The following PDE1C variants were observed in gnomAD, a reference collection of about 807,000 sequenced individuals.
PDE1C encodes dual specificity calcium/calmodulin-dependent 3',5'-cyclic nucleotide phosphodiesterase 1C.
In PDE1C, 62 loss-of-function variants were observed where a neutral mutation model predicts 93.1. The ratio of observed to expected loss-of-function variants is 0.67; its 90% confidence interval spans 0.54 to 0.82. The LOEUF (loss-of-function observed/expected upper bound fraction) is 0.82, where lower values mean the gene tolerates loss of function less well. Ranked by LOEUF, PDE1C falls within the 40% of genes least tolerant of loss-of-function variation. The probability of loss-of-function intolerance (pLI) is 0.00; values close to 1 mark genes in which losing one functional copy is unlikely to be tolerated. For missense variants in PDE1C, 742 were observed against 884.6 expected, an observed-to-expected ratio of 0.84 and a Z score of 2.04; for synonymous variants, 325 against 310.1, an observed-to-expected ratio of 1.05 and a Z score of -0.50.
chr7:31,896,391 G>A (rs1161806754), intron 2 of PDE1C, among the ~76,000 whole-genome samples: 2 of 152,098 alleles, frequency 1.3e-5, no homozygotes, highest in Non-Finnish European at 2.9e-5. Context: ...TCCTACTCTC[G>A]GACTTCTGTC....
intron 15 of PDE1C, among the ~76,000 whole-genome samples, chr7:31,813,897 A>T (rs1787871689): frequency 6.6e-6 from 1 of 152,078 alleles, no homozygotes; most frequent in African/African-American, 2.4e-5. Context: ...TATGTGTGAG[A>T]ATATACAATG....
chr7:31,840,102 C>T (rs549721047), intron 9 of PDE1C, among the ~76,000 whole-genome samples: 1 of 152,220 alleles, frequency 6.6e-6, no homozygotes, highest in South Asian at 2.1e-4. Flanking sequence ...TACATTTGAC[C>T]ACTAGCATAT....
the PDE1C span, among the ~76,000 whole-genome samples, chr7:31,743,759 A>T: frequency 2.0e-5 from 3 of 152,210 alleles, no homozygotes; most frequent in African/African-American, 7.2e-5. Flanking sequence ...TATTTTTCTC[A>T]TACAGTAGTA....
intron 1 of PDE1C, among the ~76,000 whole-genome samples, chr7:32,055,912 G>T (rs1284471034): frequency 6.6e-6 from 1 of 152,134 alleles, no homozygotes; most frequent in African/African-American, 2.4e-5. Context: ...TAGAGATGGG[G>T]TTTCACCATG....
chr7:32,302,394 A>T (rs1299971848), upstream of PDE1C, among the ~76,000 whole-genome samples: 1 of 152,238 alleles, frequency 6.6e-6, no homozygotes, highest in Non-Finnish European at 1.5e-5. Context: ...TTAGGTTAAG[A>T]TTAATTTCTT....
chr7:31,982,357 T>G (rs6959399), intron 2 of PDE1C, among the ~76,000 whole-genome samples: 12,161 of 152,244 alleles, frequency 0.08, 1,234 homozygotes, highest in African/African-American at 0.24. Context: ...TTTTGTTCTG[T>G]AAGTAGCAAT....
At chr7:31,950,779 A>G (rs1013346081) in intron 2 of PDE1C, among the ~76,000 whole-genome samples, 2 of 152,230 alleles carry the variant, frequency 1.3e-5, no homozygotes, top group African/African-American at 4.8e-5. Context: ...TAAATTCTAC[A>G]TATAAAATCA....
chr7:32,236,486 A>G (rs998256919), intron 1 of PDE1C, among the ~76,000 whole-genome samples: 1 of 152,214 alleles, frequency 6.6e-6, no homozygotes, highest in Non-Finnish European at 1.5e-5. Flanking sequence ...CTAATTAAAG[A>G]TGGACAAAAG....
At chr7:32,206,420 T>A (rs1369507119) in intron 2 of PDE1C, among the ~76,000 whole-genome samples, 4 of 151,944 alleles carry the variant, frequency 2.6e-5, no homozygotes, top group African/African-American at 9.7e-5. Flanking sequence ...AAAACAGACA[T>A]GTCTAGAGAG....
At chr7:32,384,845 G>A (rs190666086) in intron 1 of PDE1C, among the ~76,000 whole-genome samples, 1 of 152,278 alleles carries the variant, frequency 6.6e-6, no homozygotes, top group East Asian at 1.9e-4. Context: ...TGAGACCCAT[G>A]AAAATGGGAT....
chr7:31,987,864 T>C (rs933292528), intron 2 of PDE1C, among the ~76,000 whole-genome samples: 2 of 152,214 alleles, frequency 1.3e-5, no homozygotes, highest in African/African-American at 4.8e-5. Flanking sequence ...TAGAAAGTGC[T>C]ATGTGTCTGT....
chr7:32,407,501 A>G (rs548614101), intron 1 of PDE1C, among the ~76,000 whole-genome samples: 2 of 152,090 alleles, frequency 1.3e-5, no homozygotes, highest in African/African-American at 4.8e-5. Context: ...GCCCTCCTTC[A>G]TATCAGCCAT....
chr7:31,980,365 T>C (rs540398073), intron 2 of PDE1C, among the ~76,000 whole-genome samples: 31 of 152,338 alleles, frequency 2.0e-4, no homozygotes, highest in African/African-American at 7.5e-4. Context: ...TCCAGCTTAA[T>C]TTCCATCTAC....
intron 2 of PDE1C, among the ~76,000 whole-genome samples, chr7:32,190,154 G>C (rs1804139567): frequency 6.6e-6 from 1 of 152,168 alleles, no homozygotes; most frequent in South Asian, 2.1e-4. Flanking sequence ...TGGAAATTAG[G>C]CAATTATTTC....
chr7:31,980,176 T>C (rs1344121940), intron 2 of PDE1C, among the ~76,000 whole-genome samples: 2 of 152,174 alleles, frequency 1.3e-5, no homozygotes, highest in Non-Finnish European at 2.9e-5. Flanking sequence ...TGCTAGTACA[T>C]ACCCCAGCAC....
the PDE1C span, among the ~76,000 whole-genome samples, chr7:31,735,246 A>C: frequency 6.6e-6 from 1 of 152,304 alleles, no homozygotes; most frequent in Non-Finnish European, 1.5e-5. Flanking sequence ...TAAAGATACA[A>C]AATTAGCCAG....
At chr7:32,068,151 G>A (rs1795622343) in intron 1 of PDE1C, among the ~76,000 whole-genome samples, 1 of 152,206 alleles carries the variant, frequency 6.6e-6, no homozygotes, top group Non-Finnish European at 1.5e-5. Flanking sequence ...ATATTGGTAT[G>A]AAAATCCAAT....
chr7:32,341,333 G>A (rs1783751177), intron 1 of PDE1C, among the ~76,000 whole-genome samples: 1 of 149,116 alleles, frequency 6.7e-6, no homozygotes, highest in South Asian at 2.2e-4. Flanking sequence ...CCGCTACCAC[G>A]CCCGGCTAAT....
chr7:32,195,951 A>G (rs1804582528), intron 2 of PDE1C, among the ~76,000 whole-genome samples: 1 of 152,140 alleles, frequency 6.6e-6, no homozygotes, highest in Non-Finnish European at 1.5e-5. Context: ...GACACTGTGT[A>G]TGGAATGACC....
Sources: allele counts gnomAD v4.1 joint callset (sites outside exome capture counted in the v4.1 genomes callset), GRCh38; gene constraint gnomAD v4.1.1; transcripts MANE v1.5; gene names NCBI Gene and HGNC (gene_info 2026-07-23, HGNC 2026-07-21).